The following ANXA8 variants were observed in gnomAD, a reference collection of about 807,000 sequenced individuals.
The protein encoded by ANXA8 is VAC-beta.
Under a neutral mutation model 26.8 loss-of-function variants are expected in ANXA8, and 9 were observed. The observed-to-expected ratio is 0.34, with a 90% CI of 0.20 to 0.59. ANXA8 has a LOEUF of 0.59. Among genes scored for constraint, ANXA8 ranks in the 20% least tolerant of loss-of-function variants. The pLI, the probability that ANXA8 is intolerant of heterozygous loss-of-function variation, is 0.84. For synonymous variants in ANXA8, 39 were observed against 94.8 expected (o/e 0.41, Z 3.42); for missense variants, 83 against 238.5 (o/e 0.35, Z 4.29).
chr10:47,684,369 A>T, the ANXA8 span, among the ~76,000 whole-genome samples: 1 of 151,668 alleles, frequency 6.6e-6, no homozygotes, highest in African/African-American at 2.4e-5. Flanking sequence ...AACACTTTTT[A>T]AAAATTTACT....
At chr10:47,989,378 C>A in the ANXA8 span, among the ~76,000 whole-genome samples, 1 of 117,840 alleles carries the variant, frequency 8.5e-6, no homozygotes, top group Non-Finnish European at 1.9e-5. Context: ...GTAACCGCAT[C>A]CCTGAGGAGC....
the ANXA8 span, among the ~76,000 whole-genome samples, chr10:47,582,597 G>T: frequency 7.0e-6 from 1 of 142,208 alleles, no homozygotes; most frequent in Middle Eastern, 3.3e-3. Context: ...ATGATGACAG[G>T]CTACGAAAAG....
At chr10:47,626,875 A>T in the ANXA8 span, among the ~76,000 whole-genome samples, 2 of 150,048 alleles carry the variant, frequency 1.3e-5, no homozygotes, top group Non-Finnish European at 2.9e-5. Flanking sequence ...TGACCATTTT[A>T]TTATTTTCCA....
chr10:47,744,460 T>C, the ANXA8 span, among the ~76,000 whole-genome samples: 1 of 77,870 alleles, frequency 1.3e-5, no homozygotes, highest in East Asian at 5.2e-4. Flanking sequence ...CTTGCAGATT[T>C]ACCAAGCTGA....
the ANXA8 span, among the ~76,000 whole-genome samples, chr10:47,499,868 T>A: frequency 3.5e-5 from 5 of 142,186 alleles, no homozygotes; most frequent in Non-Finnish European, 4.6e-5. Flanking sequence ...GCTCAAGTGA[T>A]CTTCCTGCCT....
chr10:47,580,995 G>C, the ANXA8 span, among the ~76,000 whole-genome samples: 1 of 150,148 alleles, frequency 6.7e-6, no homozygotes, highest in Non-Finnish European at 1.5e-5. Flanking sequence ...ATAATCTCTT[G>C]AATCTGGGAG....
At chr10:47,978,999 C>T in the ANXA8 span, among the ~76,000 whole-genome samples, 11 of 151,146 alleles carry the variant, frequency 7.3e-5, 1 homozygote, top group South Asian at 1.9e-3. Flanking sequence ...AAAGTAGTAA[C>T]CAAAGGGGAG....
At chr10:47,546,642 G>A in the ANXA8 span, among the ~76,000 whole-genome samples, 8 of 134,734 alleles carry the variant, frequency 5.9e-5, no homozygotes, top group Middle Eastern at 3.7e-3. Context: ...TCCTGACCCC[G>A]TGATCTGCCT....
At chr10:47,503,937 C>CAAAAAAAAAAAAAA in the ANXA8 span, among the ~76,000 whole-genome samples, 10 of 23,442 alleles carry the variant, frequency 4.3e-4, no homozygotes, top group Non-Finnish European at 3.4e-4. Context: ...GAGAGTCCAT[C>CAAAAAAAAAAAAAA]AAAAAAAAAA....
the ANXA8 span, among the ~76,000 whole-genome samples, chr10:47,497,891 A>G: frequency 6.6e-6 from 1 of 152,060 alleles, no homozygotes; most frequent in Non-Finnish European, 1.5e-5. Flanking sequence ...GTGAGCCGAG[A>G]CGGCGCCATT....
chr10:47,660,233 G>A, the ANXA8 span, among the ~76,000 whole-genome samples: 3 of 147,178 alleles, frequency 2.0e-5, no homozygotes, highest in East Asian at 5.8e-4. Context: ...TGTTTAATTT[G>A]ATAATTCATA....
At chr10:47,659,033 G>A in the ANXA8 span, among the ~76,000 whole-genome samples, 34 of 151,146 alleles carry the variant, frequency 2.2e-4, no homozygotes, top group East Asian at 1.2e-3. Context: ...CACCACGCCC[G>A]GCTGATTTTT....
chr10:47,661,012 C>A, the ANXA8 span, among the ~76,000 whole-genome samples: 1 of 150,680 alleles, frequency 6.6e-6, no homozygotes, highest in African/African-American at 2.5e-5. Flanking sequence ...ATCAAATATT[C>A]TGCCCATTTT....
chr10:47,693,295 T>C, the ANXA8 span, among the ~76,000 whole-genome samples: 1 of 150,512 alleles, frequency 6.6e-6, no homozygotes, highest in South Asian at 2.1e-4. Context: ...GTACAATCTT[T>C]TTTTTTTTTT....
At chr10:47,632,221 A>T in the ANXA8 span, among the ~76,000 whole-genome samples, 1 of 150,562 alleles carries the variant, frequency 6.6e-6, no homozygotes, top group African/African-American at 2.5e-5. Context: ...ATCACCATAT[A>T]GACACAGGAA....
the ANXA8 span, chr10:47,502,294 C>T: frequency 3.6e-5 from 58 of 1,601,322 alleles, 2 homozygotes; most frequent in African/African-American, 8.3e-5. Flanking sequence ...CACCTCCTCA[C>T]GGGAGCCATG....
the ANXA8 span, among the ~76,000 whole-genome samples, chr10:47,631,689 G>T: frequency 6.7e-6 from 1 of 150,318 alleles, no homozygotes; most frequent in Non-Finnish European, 1.5e-5. Flanking sequence ...ATAAATAATG[G>T]TTGAATTGAT....
the ANXA8 span, among the ~76,000 whole-genome samples, chr10:47,554,650 A>T: frequency 7.3e-5 from 11 of 150,656 alleles, no homozygotes; most frequent in Admixed American, 7.3e-4. Flanking sequence ...CGGTGCATGC[A>T]AGGCTCAATT....
chr10:47,748,604 TTTC>T, the ANXA8 span, among the ~76,000 whole-genome samples: 1 of 152,204 alleles, frequency 6.6e-6, no homozygotes, highest in Non-Finnish European at 1.5e-5. Context: ...CATTTCTTCT[TTTC>T]TTTTTTCTTT....
Sources: allele counts gnomAD v4.1 joint callset (sites outside exome capture counted in the v4.1 genomes callset), GRCh38; gene constraint gnomAD v4.1.1; transcripts MANE v1.5; gene names NCBI Gene and HGNC (gene_info 2026-07-23, HGNC 2026-07-21).